Variants in NPC1L1 observed in about 807,000 individuals in gnomAD.
NPC1L1 encodes NPC1-like intracellular cholesterol transporter 1.
In NPC1L1, 98 loss-of-function variants were observed where a neutral mutation model predicts 117.0. The ratio of observed to expected loss-of-function variants is 0.84; its 90% CI spans 0.71 to 0.99. NPC1L1 has a LOEUF of 0.99. Ranked by LOEUF, NPC1L1 falls within the 50% of genes least tolerant of loss-of-function variation. The probability of loss-of-function intolerance (pLI) is 0.00; values close to 1 mark genes in which losing one functional copy is unlikely to be tolerated. For missense variants in NPC1L1, 1,540 were observed against 1,710.0 expected, an observed-to-expected ratio of 0.90 and a Z score of 1.75; for synonymous variants, 729 against 727.6, an observed-to-expected ratio of 1.00 and a Z score of -0.03.
At chr7:44,535,801 TG>T in intron 5 of NPC1L1, 38 bp downstream of exon 5, 1 of 1,611,702 alleles carries the variant, frequency 6.2e-7, no homozygotes, top group Non-Finnish European at 8.5e-7. Context: ...CCTGGGGTCC[TG>T]GGCTAGCCCA....
Position 44,536,528 on chromosome 7 carries a change from C to G in NPC1L1, c.1682-100G>C. The G allele has an allele frequency of 7.7e-7, 1 of 1,306,270 alleles. No individual in the cohort carries two copies. The highest frequency in any genetic ancestry group is 1.1e-6 in the Non-Finnish European group (1 of 917,136). The allele number at this position is 1,306,270 out of a possible 1,614,324, so 80.9% of individuals were successfully genotyped here. On this transcript the variant is annotated intron_variant, in intron 3 of 18. Transcript: ENST00000381160. The surrounding 1 kb of genome is among the most constrained non-coding windows in gnomAD (Gnocchi z 4.7). ...CCTCCCCCTATCTAGCTGCACCCCT[C>G]CCATCACCCCTTGCTCCTTCTCCCC...
In NPC1L1 at chr7:44,513,578, C is replaced by T; in HGVS notation, c.3868G>A (p.Ala1290Thr). ...AEEAVAAVMV[A>T]SCPNHPSRVS... ...CGGGAGGGGTGATTTGGGCAAGAGG[C>T]CACCATGACTGCTGCCACCGCCTCC... The change falls in exon 19 of 19, where the codon GCC becomes ACC. Residue 1290 changes from alanine to threonine, a missense_variant. Transcript: ENST00000381160. The T allele has an allele frequency of 6.2e-7, 1 of 1,613,902 alleles. No homozygotes were observed. The highest frequency in any genetic ancestry group is 8.5e-7 in the Non-Finnish European group (1 of 1,179,976).
chr7:44,528,056 C>T (rs1179962386), intron 10 of NPC1L1, among the ~76,000 whole-genome samples: 1 of 152,156 alleles, frequency 6.6e-6, no homozygotes, highest in Admixed American at 6.6e-5. Flanking sequence ...ACCTCCTGGC[C>T]TCAAGTGATC....
At position 44,538,759 on chromosome 7, in the gene NPC1L1, A is replaced by G. The variant is rs1480198004; in HGVS notation, c.1580+58T>C. On this transcript the variant is annotated intron_variant, in intron 2 of 18. Coordinates refer to ENST00000381160, the MANE Select transcript of NPC1L1 (RefSeq NM_001101648.2). This position sits in a 1 kb window ranked among gnomAD's most constrained non-coding sequence, Gnocchi z 5.9. ...TGCCCGGCCAGGTTCCCAGGAGGCC[A>G]TGGCAGCCCAGCCCCAGCCCCAGCC... 1 of 1,569,618 alleles carries G rather than the reference A, an allele frequency of 6.4e-7. No homozygotes were observed.
intron 14 of NPC1L1, among the ~76,000 whole-genome samples, chr7:44,519,965 C>T (rs755645318): frequency 3.3e-5 from 5 of 151,984 alleles, no homozygotes; most frequent in Non-Finnish European, 4.4e-5. Context: ...CCACCACACC[C>T]GGGCAATTTT....
rs996677206 is a variant in NPC1L1 at position 44,538,598 on chromosome 7, G to T, written c.1580+219C>A. On this transcript the variant is annotated intron_variant, in intron 2 of 18. Transcript: ENST00000381160. This position sits in a 1 kb window ranked among gnomAD's most constrained non-coding sequence, Gnocchi z 5.9. ...GGGTTGAAGGGCCAGCGATGGCCAC[G>T]CACAAACCTGCAGCCATGAGCAGGA... is the stretch of plus-strand genomic sequence containing the variant. 6.6e-6 allele frequency among the ~76,000 whole-genome samples: 1 copy of T among 152,246 alleles called. No homozygotes were observed. The highest frequency in any genetic ancestry group is 2.4e-5 in the African/African-American group (1 of 41,462).
Position 44,535,885 on chromosome 7 carries a change from G to A in NPC1L1, c.1938C>T (p.Tyr646=), listed in dbSNP as rs767005986. 1 of 1,613,590 alleles carries A rather than the reference G, an allele frequency of 6.2e-7. No homozygotes were observed. Among genetic ancestry groups the A allele is most frequent in the Admixed American group, 1.7e-5 (1 of 60,022 alleles). The change falls in exon 5 of 19, where the codon TAC becomes TAT. Residue 646 remains tyrosine, a synonymous_variant. Transcript: ENST00000381160. ...AATAGCTGCCCAGGGCCAGAGAGAT[G>A]TACAGGAATATGACAATGTAGCTGG... is the stretch of plus-strand genomic sequence containing the variant. The part of the protein sequence containing the change: ...FATSYIVIFL[Y]ISLALGSYSS...
chr7:44,534,613 G>A lies in NPC1L1; in HGVS notation c.2000C>T (p.Thr667Met), dbSNP rs115629183. The A allele has an allele frequency of 2.3e-5, 37 of 1,613,980 alleles. No individual in the cohort carries two copies. The highest frequency in any genetic ancestry group is 8.9e-5 in the East Asian group (4 of 44,874). The change falls in exon 6 of 19, where the codon ACG becomes ATG. Residue 667 changes from threonine (T) to methionine (M), a missense_variant. Thr to Met is a moderately conservative substitution (Grantham distance 81). Transcript: ENST00000381160. The surrounding 1 kb of genome is among the most constrained non-coding windows in gnomAD (Gnocchi z 5.2). ...WSRVMVDSKA[T>M]LGLGGVAVVL... Reference sequence around the variant, plus strand: ...CACGGCCACCCCGCCGAGGCCCAGCGTGGCCTTGGAGTCCACCTGCAATGC... The same window carrying A: ...CACGGCCACCCCGCCGAGGCCCAGCATGGCCTTGGAGTCCACCTGCAATGC...
Position 44,536,832 on chromosome 7 carries a change from C to T in NPC1L1, c.1681+10G>A. 2 of 1,611,748 alleles carry T rather than the reference C, an allele frequency of 1.2e-6. No homozygotes were observed. The highest frequency in any genetic ancestry group is 8.5e-7 in the Non-Finnish European group (1 of 1,177,846). ...TTCCTTGGCTTCCTCTCAGGGCCCA[C>T]TTAGCTTACCTTTGTACCCCCCAAT... On this transcript the variant is annotated intron_variant, in intron 3 of 18. Coordinates refer to ENST00000381160, the MANE Select transcript of NPC1L1 (RefSeq NM_001101648.2). This position sits in a 1 kb window ranked among gnomAD's most constrained non-coding sequence, Gnocchi z 4.7.
At chr7:44,520,222 G>A (rs1192276872) in intron 14 of NPC1L1, among the ~76,000 whole-genome samples, 1 of 152,022 alleles carries the variant, frequency 6.6e-6, no homozygotes, top group Non-Finnish European at 1.5e-5. Context: ...GGAGGTTGCA[G>A]TGAGCCGAGA....
chr7:44,541,277 G>T lies in NPC1L1; in HGVS notation c.-18C>A, dbSNP rs41279633. 0.14 allele frequency: 219,984 copies of T among 1,548,494 alleles called. 17,280 individuals are homozygous for T. Among genetic ancestry groups the T allele is most frequent in the Non-Finnish European group, 0.16 (179,564 of 1,145,936 alleles). ...TCCGCCATCCCAGGTCTGGGAAGGG[G>T]TCAGCGGGGAGCCAGGCCAGGCCTC... On this transcript the variant is annotated 5_prime_UTR_variant, in exon 1 of 19. Coordinates refer to ENST00000381160, the MANE Select transcript of NPC1L1 (RefSeq NM_001101648.2).
chr7:44,517,179 C>T (rs768152426), intron 15 of NPC1L1, 28 bp downstream of exon 15: 1 of 1,613,956 alleles, frequency 6.2e-7, no homozygotes, highest in Non-Finnish European at 8.5e-7. Flanking sequence ...ACCCCACCTC[C>T]CTCCAGCCCA....
In NPC1L1 at chr7:44,534,928, G is replaced by GT. The variant is rs1465016402; in HGVS notation, c.1984-300dup. Among the ~76,000 whole-genome samples the GT allele has an allele frequency of 2.0e-5, 3 of 152,202 alleles. No homozygotes were observed. The highest frequency in any genetic ancestry group is 6.5e-5 in the Admixed American group (1 of 15,272). On this transcript the variant is annotated intron_variant, in intron 5 of 18. Transcript: ENST00000381160. The surrounding 1 kb of genome is among the most constrained non-coding windows in gnomAD (Gnocchi z 5.2). ...ATTTGGGCAAGTGAGGGTATGGCAT[G>GT]TAACAGACAGAAAACTGCTCTTAGG...
At chr7:44,529,935 G>T (rs7793129) in intron 10 of NPC1L1, among the ~76,000 whole-genome samples, 4,092 of 151,780 alleles carry the variant, frequency 0.027, 183 homozygotes, top group African/African-American at 0.09. Flanking sequence ...TCAGGAGGTT[G>T]AGTCAGGAGA....
Position 44,536,517 on chromosome 7 carries a change from G to A in NPC1L1, c.1682-89C>T. The A allele has an allele frequency of 1.4e-6, 2 of 1,384,606 alleles. No individual in the cohort carries two copies. The highest frequency in any genetic ancestry group is 1.6e-5 in the African/African-American group (1 of 63,018). 85.8% of individuals were successfully genotyped at this position (1,384,606 alleles called of 1,614,324 possible). A position where few individuals can be genotyped will look rare whatever the true frequency, so the allele number is the denominator to read the frequency against. ...CCCCTATATTCCCTCCCCCTATCTAGCTGCACCCCTCCCATCACCCCTTGC... is the reference window on the plus strand; with the variant it reads ...CCCCTATATTCCCTCCCCCTATCTAACTGCACCCCTCCCATCACCCCTTGC... On this transcript the variant is annotated intron_variant, in intron 3 of 18. Coordinates refer to ENST00000381160, the MANE Select transcript of NPC1L1 (RefSeq NM_001101648.2). The surrounding 1 kb of genome is among the most constrained non-coding windows in gnomAD (Gnocchi z 4.7).
At chr7:44,520,960 T>G in intron 13 of NPC1L1, 32 bp downstream of exon 13, 2 of 1,614,118 alleles carry the variant, frequency 1.2e-6, no homozygotes, top group South Asian at 2.2e-5. Context: ...CACATGTCTG[T>G]CCTCCCCAGC....
At chr7:44,533,883 G>C in intron 6 of NPC1L1, 30 bp from the exon 7 acceptor site, 1 of 1,575,570 alleles carries the variant, frequency 6.3e-7, no homozygotes, top group Non-Finnish European at 8.6e-7. Context: ...ATAAGAGCCA[G>C]GGCCCTCCAA....
intron 15 of NPC1L1, 135 bp downstream of exon 15, chr7:44,517,072 C>T: frequency 6.9e-7 from 1 of 1,445,118 alleles, no homozygotes; most frequent in Non-Finnish European, 9.7e-7. Flanking sequence ...GAAATAGGCC[C>T]AAGGCTGCAG....
At position 44,534,424 on chromosome 7, in the gene NPC1L1, G is replaced by T; in HGVS notation, c.2166+23C>A. 2 of 1,613,326 alleles carry T rather than the reference G, an allele frequency of 1.2e-6. No individual in the cohort carries two copies. Among genetic ancestry groups the T allele is most frequent in the Non-Finnish European group, 1.7e-6 (2 of 1,179,250 alleles). The stretch of plus-strand genomic sequence containing the variant: ...GGGAGAAGAGTGGGCAGTTGGGGGT[G>T]TGGAGAGCTCCTCCCTTCTTACCTG... On this transcript the variant is annotated intron_variant, in intron 6 of 18. Coordinates refer to ENST00000381160, the MANE Select transcript of NPC1L1 (RefSeq NM_001101648.2). The surrounding 1 kb of genome is among the most constrained non-coding windows in gnomAD (Gnocchi z 5.2).
Sources: gnomAD v4.1 joint callset for allele counts (sites outside exome capture counted in the v4.1 genomes callset) on GRCh38, gnomAD v4.1.1 for gene constraint, Gnocchi (gnomAD v3.1) non-coding constraint, MANE v1.5 for transcripts, NCBI Gene and HGNC (gene_info 2026-07-23, HGNC 2026-07-21) for gene names.